Variants in SLC41A1 observed in about 807,000 individuals in gnomAD.
SLC41A1 encodes solute carrier family 41 (magnesium transporter), member 1.
SLC41A1 carries 20 observed loss-of-function variants against 47.3 expected under a neutral mutation model. That is an observed-to-expected ratio of 0.42 (90% CI 0.30 to 0.61). The LOEUF (loss-of-function observed/expected upper bound fraction) is 0.61. Ranked by LOEUF, SLC41A1 falls within the 20% of genes least tolerant of loss-of-function variation. SLC41A1 has a pLI of 0.17. For missense variants in SLC41A1, 504 were observed against 674.1 expected (o/e 0.75, Z 2.79); for synonymous variants, 282 against 272.7 (o/e 1.03, Z -0.34).
Position 205,810,471 on chromosome 1 carries a change from T to C in SLC41A1, c.-30A>G, listed in dbSNP as rs768894349. 1.2e-6 allele frequency: 2 copies of C among 1,614,028 alleles called. No individual in the cohort carries two copies. The highest frequency in any genetic ancestry group is 1.7e-6 in the Non-Finnish European group (2 of 1,180,016). On this transcript the variant is annotated 5_prime_UTR_variant, in exon 2 of 11. Coordinates refer to ENST00000367137, the MANE Select transcript of SLC41A1 (RefSeq NM_173854.6). This position sits in a 1 kb window ranked among gnomAD's most constrained non-coding sequence, Gnocchi z 5.5. ...GGCACGGAGGAGGGGAAGGGAGAAC[T>C]TTCCTCTCTTCTTTTTGCTTTCTCT...
intron 1 of SLC41A1, among the ~76,000 whole-genome samples, chr1:205,811,563 A>G (rs1656154843): frequency 6.6e-6 from 1 of 152,230 alleles, no homozygotes; most frequent in African/African-American, 2.4e-5. Context: ...CAAGACAGCA[A>G]CAGAAAGACA....
intron 10 of SLC41A1, among the ~76,000 whole-genome samples, chr1:205,794,596 C>A (rs1655701646): frequency 1.3e-5 from 2 of 152,102 alleles, no homozygotes; most frequent in Admixed American, 1.3e-4. Flanking sequence ...CAACCACCTG[C>A]ATGAAAACTA....
rs117685182 is a variant in SLC41A1 at position 205,800,826 on chromosome 1, C to T, written c.480+127G>A. The stretch of plus-strand genomic sequence containing the variant: ...CTACACCTGCCCAGCCAGGCCCTCC[C>T]TTCCCACCCCAGCCCCACACTCCAG... On this transcript the variant is annotated intron_variant, in intron 3 of 10. Coordinates refer to ENST00000367137, the MANE Select transcript of SLC41A1 (RefSeq NM_173854.6). 3,918 of 904,080 alleles carry T rather than the reference C, an allele frequency of 4.3e-3. 81 individuals are homozygous for T. The highest frequency in any genetic ancestry group is 0.042 in the East Asian group (1,666 of 39,454). The allele number at this position is 904,080 out of a possible 1,614,324, so 56.0% of individuals were successfully genotyped here.
intron 7 of SLC41A1, 56 bp downstream of exon 7, chr1:205,797,848 A>T (rs1318830397): frequency 1.2e-6 from 2 of 1,611,470 alleles, no homozygotes; most frequent in Non-Finnish European, 1.7e-6. Flanking sequence ...GTTTAAAAAG[A>T]AGTCTGTGGA....
Position 205,796,735 on chromosome 1 carries a change from C to A in SLC41A1, c.1072+189G>T, listed in dbSNP as rs114670867. On this transcript the variant is annotated intron_variant, in intron 8 of 10. Coordinates refer to ENST00000367137, the MANE Select transcript of SLC41A1 (RefSeq NM_173854.6). Reference sequence around the variant, plus strand: ...TGCTAATCTCTCGGTGCCTCAACATCCCTTATCTGTCCTTTTACTCTGCTC... The same window carrying A: ...TGCTAATCTCTCGGTGCCTCAACATACCTTATCTGTCCTTTTACTCTGCTC... The A allele has an allele frequency of 4.1e-4, 266 of 642,750 alleles. No individual in the cohort carries two copies. In the African/African-American group the frequency reaches 4.4e-3, roughly 11 times the overall value. The allele number at this position is 642,750 out of a possible 1,614,324, so 39.8% of individuals were successfully genotyped here.
intron 4 of SLC41A1, 110 bp from the exon 5 acceptor site, chr1:205,799,211 C>A: frequency 6.9e-7 from 1 of 1,447,540 alleles, no homozygotes; most frequent in Non-Finnish European, 9.5e-7. Context: ...CCCCAGGAGG[C>A]AGGCTGGACT....
chr1:205,812,717 T>C, intron 1 of SLC41A1, 91 bp downstream of exon 1: 1 of 984,934 alleles, frequency 1.0e-6, no homozygotes, highest in South Asian at 4.7e-5. Context: ...CTCCTCAGTC[T>C]CTCCACCACT....
intron 1 of SLC41A1, among the ~76,000 whole-genome samples, 157 bp from the exon 2 acceptor site, chr1:205,811,244 T>C (rs1656148114): frequency 6.6e-6 from 1 of 152,230 alleles, no homozygotes; most frequent in African/African-American, 2.4e-5. Flanking sequence ...TACTCAGTCC[T>C]GCACTGCTCC....
chr1:205,812,775 C>T, intron 1 of SLC41A1, 33 bp downstream of exon 1: 3 of 985,740 alleles, frequency 3.0e-6, no homozygotes, highest in Non-Finnish European at 3.6e-6. Flanking sequence ...CCTCCACCAC[C>T]CCCTCCCCGC....
chr1:205,806,420 G>A (rs1353503659), intron 2 of SLC41A1, among the ~76,000 whole-genome samples: 4 of 152,258 alleles, frequency 2.6e-5, no homozygotes, highest in African/African-American at 9.6e-5. Flanking sequence ...TCCTTAGCAG[G>A]TGAGTAGTGA....
At chr1:205,811,283 G>A (rs1050835723) in intron 1 of SLC41A1, among the ~76,000 whole-genome samples, 196 bp from the exon 2 acceptor site, 19 of 151,932 alleles carry the variant, frequency 1.3e-4, no homozygotes, top group Admixed American at 6.6e-4. Context: ...AGCTATCCCC[G>A]CCATCCTCCC....
rs758381035 is a variant in SLC41A1 at position 205,798,809 on chromosome 1, A to G, written c.704T>C (p.Ile235Thr). ...AFIASLVLGM[I>T]MIGVIIGSRK... Reference sequence around the variant, plus strand: ...AGAGCCAATGATGACTCCAATCATGATCATACCTGGTGAGCAAGTGGGAGG... The same window carrying G: ...AGAGCCAATGATGACTCCAATCATGGTCATACCTGGTGAGCAAGTGGGAGG... The change falls in exon 6 of 11, where the codon ATC (isoleucine) becomes ACC (threonine). Residue 235 changes from isoleucine to threonine, a missense_variant. Around this residue, in one of 2 missense-constraint regions of SLC41A1, gnomAD observed 421 missense variants for 601.6 expected, o/e 0.70. Coordinates refer to ENST00000367137, the MANE Select transcript of SLC41A1 (RefSeq NM_173854.6). 53 of 1,614,042 alleles carry G rather than the reference A, an allele frequency of 3.3e-5. No homozygotes were observed. The highest frequency in any genetic ancestry group is 4.4e-5 in the Non-Finnish European group (52 of 1,180,036).
intron 10 of SLC41A1, among the ~76,000 whole-genome samples, chr1:205,792,814 A>G (rs1655655033): frequency 6.6e-6 from 1 of 152,184 alleles, no homozygotes; most frequent in Admixed American, 6.5e-5. Context: ...TATACTTTGT[A>G]AATACTGTGG....
chr1:205,800,364 G>T (rs1655851236), intron 3 of SLC41A1, among the ~76,000 whole-genome samples: 1 of 152,192 alleles, frequency 6.6e-6, no homozygotes, highest in Non-Finnish European at 1.5e-5. Flanking sequence ...GAGATCCCTG[G>T]CCTCCTGAGT....
At position 205,810,049 on chromosome 1, in the gene SLC41A1, G is replaced by T. The variant is rs1184972068; in HGVS notation, c.372+21C>A. ...GGTGGCCCTGGGCTCACAGTCAAGA[G>T]CTGCCCTACTCAGGTCCTACCTGCA... is the stretch of plus-strand genomic sequence containing the variant. On this transcript the variant is annotated intron_variant, in intron 2 of 10. Coordinates refer to ENST00000367137, the MANE Select transcript of SLC41A1 (RefSeq NM_173854.6). This position sits in a 1 kb window ranked among gnomAD's most constrained non-coding sequence, Gnocchi z 5.5. 6.2e-7 allele frequency: 1 copy of T among 1,614,072 alleles called. No individual in the cohort carries two copies. The highest frequency in any genetic ancestry group is 1.7e-5 in the Admixed American group (1 of 60,018).
At chr1:205,804,467 G>A (rs1655967672) in intron 2 of SLC41A1, among the ~76,000 whole-genome samples, 1 of 152,138 alleles carries the variant, frequency 6.6e-6, no homozygotes, top group South Asian at 2.1e-4. Flanking sequence ...GCCAAAGGAT[G>A]AGCCAGCCCT....
At chr1:205,800,860 A>C in intron 3 of SLC41A1, 93 bp downstream of exon 3, 23 of 1,060,694 alleles carry the variant, frequency 2.2e-5, no homozygotes, top group East Asian at 1.1e-4. Context: ...AGGCCTGGGC[A>C]GTGGAGAAGG....
rs1264135360 is a variant in SLC41A1, at chr1:205,790,447, G to C, written c.*1086C>G. 1 of 152,198 alleles carries C rather than the reference G, an allele frequency of 6.6e-6. No individual in the cohort carries two copies. Among genetic ancestry groups the C allele is most frequent in the Non-Finnish European group, 1.5e-5 (1 of 68,036 alleles). The allele number at this position is 152,198 out of a possible 1,614,324, so 9.4% of individuals were successfully genotyped here. On this transcript the variant is annotated 3_prime_UTR_variant, in exon 11 of 11. Transcript: ENST00000367137. Reference sequence around the variant, plus strand: ...TTGCTAAATGAACGAATAAATGATTGGTGAATGTTTGTGGGTAGAAGCCAA... The same window carrying C: ...TTGCTAAATGAACGAATAAATGATTCGTGAATGTTTGTGGGTAGAAGCCAA...
Position 205,796,596 on chromosome 1 carries a change from CTAAA to C in SLC41A1, c.1072+324_1072+327del, listed in dbSNP as rs377648979. 9.4e-3 allele frequency: 3,394 copies of C among 361,854 alleles called. 28 individuals carry two copies. Among genetic ancestry groups the C allele is most frequent in the Non-Finnish European group, 0.015 (2,763 of 190,350 alleles). 22.4% of individuals were successfully genotyped at this position (361,854 alleles called of 1,614,324 possible). A position where few individuals can be genotyped will look rare whatever the true frequency, so the allele number is the denominator to read the frequency against. ...ACTTCCCAGCTTCCAGAACTGTGAG[CTAAA>C]TAAACTTCTTTTCGTTATAAATTAG... On this transcript the variant is annotated intron_variant, in intron 8 of 10. Coordinates refer to ENST00000367137, the MANE Select transcript of SLC41A1 (RefSeq NM_173854.6).
Sources: gnomAD v4.1 joint callset for allele counts (sites outside exome capture counted in the v4.1 genomes callset) on GRCh38, gnomAD v4.1.1 for gene constraint, gnomAD v4.1.1 regional missense constraint, Gnocchi (gnomAD v3.1) non-coding constraint, MANE v1.5 for transcripts, NCBI Gene and HGNC (gene_info 2026-07-23, HGNC 2026-07-21) for gene names.